The following ATG7 variants were observed in gnomAD, a reference collection of about 807,000 sequenced individuals.
ATG7 encodes ubiquitin-like modifier-activating enzyme ATG7.
Under a neutral mutation model 82.4 loss-of-function variants are expected in ATG7, and 70 were observed. That is an observed-to-expected ratio of 0.85 (90% CI 0.70 to 1.04). The LOEUF (loss-of-function observed/expected upper bound fraction) is 1.04, where lower values mean the gene tolerates loss of function less well. Ranked by LOEUF, ATG7 falls within the 50% of genes least tolerant of loss-of-function variation. ATG7 has a pLI of 0.00. For synonymous variants in ATG7, 287 were observed against 313.0 expected, an observed-to-expected ratio of 0.92 and a Z score of 0.88; for missense variants, 792 against 864.3, an observed-to-expected ratio of 0.92 and a Z score of 1.05.
At chr3:11,376,792 G>T (rs1275491457) in intron 18 of ATG7, among the ~76,000 whole-genome samples, 1 of 152,188 alleles carries the variant, frequency 6.6e-6, no homozygotes, top group Non-Finnish European at 1.5e-5. Flanking sequence ...AGGCTGGAGT[G>T]CAGTGGCACC....
intron 3 of ATG7, among the ~76,000 whole-genome samples, chr3:11,289,238 G>C (rs939385034): frequency 6.6e-6 from 1 of 152,174 alleles, no homozygotes; most frequent in African/African-American, 2.4e-5. Context: ...CAGGAAGTAG[G>C]TAATGTTTGG....
At chr3:11,397,122 G>A (rs1053697641) in intron 19 of ATG7, among the ~76,000 whole-genome samples, 7 of 151,908 alleles carry the variant, frequency 4.6e-5, no homozygotes, top group African/African-American at 1.2e-4. Flanking sequence ...AAATGCTGGC[G>A]GTAGAAAGAT....
intron 11 of ATG7, among the ~76,000 whole-genome samples, chr3:11,337,484 CTCTCTATA>C (rs1275321670): frequency 0.027 from 3,948 of 146,944 alleles, 176 homozygotes; most frequent in African/African-American, 0.099. Flanking sequence ...CTCTCTCTCT[CTCTCTATA>C]TATATATATA....
At chr3:11,452,919 G>C (rs1208055841) in intron 20 of ATG7, among the ~76,000 whole-genome samples, 1 of 152,220 alleles carries the variant, frequency 6.6e-6, no homozygotes, top group African/African-American at 2.4e-5. Context: ...TTGTGTGCCA[G>C]TTCCTATCTG....
intron 6 of ATG7, among the ~76,000 whole-genome samples, chr3:11,307,696 C>T (rs1417840266): frequency 6.6e-6 from 1 of 152,212 alleles, no homozygotes; most frequent in Non-Finnish European, 1.5e-5. Flanking sequence ...TCCTTTGCTT[C>T]TTTACATTGG....
chr3:11,320,091 G>C (rs1950008764), intron 9 of ATG7, among the ~76,000 whole-genome samples: 3 of 152,174 alleles, frequency 2.0e-5, no homozygotes. Context: ...GTCATTCCGT[G>C]TTCCCTGCCA....
At chr3:11,451,920 T>C (rs13069602) in intron 20 of ATG7, among the ~76,000 whole-genome samples, 1 of 149,952 alleles carries the variant, frequency 6.7e-6, no homozygotes, top group Non-Finnish European at 1.5e-5. Flanking sequence ...CACACACACA[T>C]ATACATATCT....
Position 11,372,829 on chromosome 3 carries a change from TGTGTGTGCGTGC to T in ATG7, c.1876-7139_1876-7128del, listed in dbSNP as rs1208744936. On this transcript the variant is annotated intron_variant, in intron 18 of 20. Coordinates refer to ENST00000693202, the MANE Select transcript of ATG7 (RefSeq NM_001349232.2). The stretch of plus-strand genomic sequence containing the variant: ...GTGTGTGTGTGTGCGCGCGTGTGCG[TGTGTGTGCGTGC>T]GTGCGTGTGCGTGTGTGTGTGTGAA... 8.9e-5 allele frequency among the ~76,000 whole-genome samples: 10 copies of T among 112,912 alleles called. 1 individual carries two copies. The South Asian group carries it at 2.1e-3, about 23-fold the overall frequency. The allele number at this position is 112,912 out of a possible 152,430, so 74.1% of individuals were successfully genotyped here.
intron 20 of ATG7, among the ~76,000 whole-genome samples, chr3:11,551,782 CCT>C (rs1203357878): frequency 6.6e-6 from 1 of 151,470 alleles, no homozygotes; most frequent in Non-Finnish European, 1.5e-5. Flanking sequence ...AGGGTCTCAC[CCT>C]GTCGCCCAGG....
chr3:11,304,165 C>T (rs1162738089), intron 5 of ATG7, among the ~76,000 whole-genome samples: 1 of 152,166 alleles, frequency 6.6e-6, no homozygotes. Context: ...ATAATTCTTG[C>T]CCTCAAAGAA....
At chr3:11,310,760 G>C (rs971668499) in intron 7 of ATG7, among the ~76,000 whole-genome samples, 1 of 151,962 alleles carries the variant, frequency 6.6e-6, no homozygotes, top group African/African-American at 2.4e-5. Flanking sequence ...AGCCTCCTGA[G>C]TAGCCGGGAC....
At chr3:11,319,343 T>C (rs1949890473) in intron 9 of ATG7, among the ~76,000 whole-genome samples, 1 of 151,988 alleles carries the variant, frequency 6.6e-6, no homozygotes, top group African/African-American at 2.4e-5. Context: ...TATGAAATCC[T>C]GCACTTGTGT....
intron 18 of ATG7, among the ~76,000 whole-genome samples, chr3:11,375,493 G>A (rs982640260): frequency 2.6e-5 from 4 of 152,186 alleles, no homozygotes; most frequent in African/African-American, 9.6e-5. Context: ...TAATCTACAA[G>A]AGACAACAAC....
chr3:11,565,586 C>G, the ATG7 span, among the ~76,000 whole-genome samples: 1 of 152,196 alleles, frequency 6.6e-6, no homozygotes, highest in Non-Finnish European at 1.5e-5. This position sits in a 1 kb window ranked among gnomAD's most constrained non-coding sequence, Gnocchi z 4.1. Context: ...AGCTCAGACT[C>G]CCAGCTGACA....
At position 11,315,464 on chromosome 3, in the gene ATG7, A is replaced by G. The variant is rs748121974; in HGVS notation, c.649A>G (p.Ser217Gly). The G allele has an allele frequency of 1.2e-6, 2 of 1,606,938 alleles. No homozygotes were observed. Among genetic ancestry groups the G allele is most frequent in the Admixed American group, 1.7e-5 (1 of 58,668 alleles). The stretch of plus-strand genomic sequence containing the variant: ...GCTGGTTTCCTTGCTTAAACACTAC[A>G]GTGATTTCTTCCAAGGTCAAAGGAC... ...MVLVSLLKHY[S>G]DFFQGQRTKI... The change falls in exon 9 of 21, where the codon AGT becomes GGT. Residue 217 changes from serine to glycine, a missense_variant. Transcript: ENST00000693202.
At chr3:11,412,414 CT>C (rs1371143336) in intron 19 of ATG7, among the ~76,000 whole-genome samples, 2 of 151,790 alleles carry the variant, frequency 1.3e-5, no homozygotes, top group Admixed American at 1.3e-4. Context: ...GTTGGTTTCA[CT>C]TTTTTTTGTT....
chr3:11,400,166 C>A (rs1221686053), intron 19 of ATG7, among the ~76,000 whole-genome samples: 1 of 152,146 alleles, frequency 6.6e-6, no homozygotes, highest in Non-Finnish European at 1.5e-5. Context: ...GCTCTTAACA[C>A]AAGAATTTCC....
chr3:11,389,269 A>G (rs1322848143), intron 19 of ATG7, among the ~76,000 whole-genome samples: 2 of 150,786 alleles, frequency 1.3e-5, no homozygotes, highest in Non-Finnish European at 3.0e-5. Flanking sequence ...ATGTGAAAGA[A>G]CTGTTTGAGA....
At chr3:11,393,197 T>C (rs938917989) in intron 19 of ATG7, among the ~76,000 whole-genome samples, 1 of 152,220 alleles carries the variant, frequency 6.6e-6, no homozygotes, top group South Asian at 2.1e-4. Context: ...TAGAGATCCC[T>C]GTACAGTATT....
Sources: allele counts gnomAD v4.1 joint callset (sites outside exome capture counted in the v4.1 genomes callset), GRCh38; gene constraint gnomAD v4.1.1; non-coding constraint Gnocchi (gnomAD v3.1); transcripts MANE v1.5; gene names NCBI Gene and HGNC (gene_info 2026-07-23, HGNC 2026-07-21).